PRMT7: variants seen among roughly 807,000 people sequenced by gnomAD.
The protein encoded by PRMT7 is protein arginine N-methyltransferase 7.
In PRMT7, 75 loss-of-function variants were observed where a neutral mutation model predicts 85.4. The observed-to-expected ratio is 0.88, with a 90% CI of 0.73 to 1.06. The LOEUF is 1.06. Ranked by LOEUF, PRMT7 falls within the 50% of genes least tolerant of loss-of-function variation. PRMT7 has a pLI of 0.00. For missense variants in PRMT7, 868 were observed against 915.2 expected (o/e 0.95, Z 0.67); for synonymous variants, 397 against 359.5 (o/e 1.10, Z -1.18).
intron 6 of PRMT7, among the ~76,000 whole-genome samples, chr16:68,331,131 A>G (rs1290437165): frequency 6.6e-6 from 1 of 152,134 alleles, no homozygotes; most frequent in African/African-American, 2.4e-5. Flanking sequence ...GGTCCTAGGC[A>G]CCCACTCATA....
In PRMT7 at chr16:68,357,550, T is replaced by C. The variant is rs761771436; in HGVS notation, c.*326T>C. ...GAAGGGAGTGGAAGCACAGGGAGCT[T>C]GTGGGGCTGGCCGGTGGGGTTGTCC... On this transcript the variant is annotated 3_prime_UTR_variant, in exon 19 of 19. Transcript: ENST00000441236. 6.8e-5 allele frequency: 18 copies of C among 264,334 alleles called. 1 individual carries two copies. Among genetic ancestry groups the C allele is most frequent in the Admixed American group, 1.0e-4 (2 of 19,968 alleles). 16.4% of individuals were successfully genotyped at this position (264,334 alleles called of 1,614,324 possible).
At chr16:68,329,274 A>G in intron 6 of PRMT7, 100 bp downstream of exon 6, 3 of 853,618 alleles carry the variant, frequency 3.5e-6, no homozygotes, top group Non-Finnish European at 3.8e-6. Context: ...GTCATAGCAT[A>G]GAAGTGGGAC....
chr16:68,325,026 C>T (rs1408649399), intron 5 of PRMT7, among the ~76,000 whole-genome samples, 194 bp downstream of exon 5: 1 of 152,272 alleles, frequency 6.6e-6, no homozygotes, highest in East Asian at 1.9e-4. Context: ...TCTCCTCTGT[C>T]AGCCTAGGCT....
intron 15 of PRMT7, 141 bp from the exon 16 acceptor site, chr16:68,353,351 C>G (rs1472162012): frequency 6.7e-7 from 1 of 1,484,670 alleles, no homozygotes; most frequent in African/African-American, 1.4e-5. Flanking sequence ...CGTTGTGGAT[C>G]TTTGTTCTCT....
intron 5 of PRMT7, among the ~76,000 whole-genome samples, chr16:68,325,128 C>T (rs2082952180): frequency 6.6e-6 from 1 of 152,012 alleles, no homozygotes. Flanking sequence ...GAGGGTGAGG[C>T]AAGACAATTG....
At position 68,357,186 on chromosome 16, in the gene PRMT7, A is replaced by G; in HGVS notation, c.2041A>G (p.Ile681Val). ...AVEFHPDTGD[I>V]IMEFRHADTP... is the part of the protein sequence containing the mutation. ...GGAGTTTCACCCCGACACAGGCGACATCATCATGGAGTTCAGGCATGCAGA... is the reference window on the plus strand; with the variant it reads ...GGAGTTTCACCCCGACACAGGCGACGTCATCATGGAGTTCAGGCATGCAGA... Residue 681 changes from isoleucine to valine, a missense_variant, in exon 19 of 19, where the codon ATC becomes GTC. Physicochemically the swap from Ile to Val is conservative, Grantham distance 29. Transcript: ENST00000441236. The G allele has an allele frequency of 2.5e-6, 4 of 1,613,938 alleles. No homozygotes were observed. The highest frequency in any genetic ancestry group is 3.4e-6 in the Non-Finnish European group (4 of 1,179,958).
intron 17 of PRMT7, among the ~76,000 whole-genome samples, 191 bp from the exon 18 acceptor site, chr16:68,356,510 G>A (rs925955167): frequency 7.9e-5 from 12 of 152,246 alleles, no homozygotes; most frequent in African/African-American, 1.2e-4. Flanking sequence ...GCTCAGGTGG[G>A]GGCTTGGCTG....
chr16:68,346,347 G>A, intron 11 of PRMT7, 67 bp downstream of exon 11: 2 of 1,599,372 alleles, frequency 1.3e-6, no homozygotes, highest in Non-Finnish European at 1.7e-6. Context: ...ATGAACCCCA[G>A]CACTTTGCTT....
At chr16:68,353,661 T>C (rs1462695008) in intron 16 of PRMT7, 95 bp downstream of exon 16, 8 of 1,220,602 alleles carry the variant, frequency 6.6e-6, no homozygotes, top group Non-Finnish European at 8.9e-6. Context: ...GGCTCTTCTG[T>C]TGGGGGCAGT....
At chr16:68,319,219 T>G (rs889840557) in intron 3 of PRMT7, among the ~76,000 whole-genome samples, 2 of 152,126 alleles carry the variant, frequency 1.3e-5, no homozygotes, top group Non-Finnish European at 2.9e-5. Flanking sequence ...GAACTGAAAC[T>G]GGGAGAGGTT....
At chr16:68,315,865 AT>A in intron 2 of PRMT7, 31 bp from the exon 3 acceptor site, 1 of 851,046 alleles carries the variant, frequency 1.2e-6, no homozygotes, top group Non-Finnish European at 2.0e-6. Flanking sequence ...TCGTTTGTTT[AT>A]ATACCTCCTG....
intron 6 of PRMT7, 97 bp from the exon 7 acceptor site, chr16:68,337,362 G>T (rs949613365): frequency 2.6e-6 from 2 of 761,344 alleles, no homozygotes; most frequent in Non-Finnish European, 4.4e-6. Context: ...TGCTTTTAGC[G>T]TGATGGCCCC....
At chr16:68,333,481 C>CAA (rs892258971) in intron 6 of PRMT7, among the ~76,000 whole-genome samples, 2 of 90,914 alleles carry the variant, frequency 2.2e-5, no homozygotes, top group Non-Finnish European at 2.3e-5. Context: ...AATTCTGGCT[C>CAA]AAAAAAAAAA....
At chr16:68,328,113 G>T in intron 5 of PRMT7, 1 of 319,048 alleles carries the variant, frequency 3.1e-6, no homozygotes, top group Admixed American at 2.9e-5. Flanking sequence ...AGGTAAGCTT[G>T]GAGGCTGAAG....
Position 68,347,306 on chromosome 16 carries a change from C to T in PRMT7, c.1275+12C>T. 1 of 1,526,666 alleles carries T rather than the reference C, an allele frequency of 6.6e-7. No individual in the cohort carries two copies. The highest frequency in any genetic ancestry group is 1.2e-5 in the South Asian group (1 of 82,540). The allele number at this position is 1,526,666 out of a possible 1,614,324, so 94.6% of individuals were successfully genotyped here. A position where few individuals can be genotyped will look rare whatever the true frequency, so the allele number is the denominator to read the frequency against. On this transcript the variant is annotated intron_variant, in intron 12 of 18. Transcript: ENST00000441236. ...TGGGGGTGGAGCAGGTACTGACATG[C>T]ACCCTTGTCAGCCTCCTGATGTGGG...
At chr16:68,347,525 G>T in intron 12 of PRMT7, 106 bp from the exon 13 acceptor site, 2 of 1,286,816 alleles carry the variant, frequency 1.6e-6, no homozygotes, top group Non-Finnish European at 2.2e-6. Context: ...AGGGAGGGTT[G>T]TTCAGGTGTG....
At chr16:68,352,695 C>T (rs910969206) in intron 15 of PRMT7, 4 of 273,940 alleles carry the variant, frequency 1.5e-5, no homozygotes, top group Middle Eastern at 1.1e-3. Context: ...GAAGCCATGC[C>T]GTGTGGCCTG....
rs763073507 is a variant in PRMT7 at position 68,357,356 on chromosome 16, GTGTTGCATCT to G, written c.*144_*153del. 5.9e-5 allele frequency: 58 copies of G among 987,962 alleles called. No homozygotes were observed. Among genetic ancestry groups the G allele is most frequent in the Non-Finnish European group, 7.7e-5 (52 of 679,682 alleles). 61.2% of individuals were successfully genotyped at this position (987,962 alleles called of 1,614,324 possible). Reference sequence around the variant, plus strand: ...CCTCAGGGATGGGAAAGACTGCGCCGTGTTGCATCTTGTTGCATCTTTGCACTGCTGGCCT... The same window carrying G: ...CCTCAGGGATGGGAAAGACTGCGCCGTGTTGCATCTTTGCACTGCTGGCCT... On this transcript the variant is annotated 3_prime_UTR_variant, in exon 19 of 19. Transcript: ENST00000441236.
At position 68,324,393 on chromosome 16, in the gene PRMT7, T is replaced by C. The variant is rs558411348; in HGVS notation, c.133-290T>C. 2.0e-4 allele frequency: 82 copies of C among 416,436 alleles called. 1 individual carries two copies. The highest frequency in any genetic ancestry group is 1.7e-3 in the South Asian group (71 of 41,224). The allele number at this position is 416,436 out of a possible 1,614,324, so 25.8% of individuals were successfully genotyped here. On this transcript the variant is annotated intron_variant, in intron 4 of 18. Coordinates refer to ENST00000441236, the MANE Select transcript of PRMT7 (RefSeq NM_019023.5). ...TTCCAGTCGCCCTCTTGGTCCCCCT[T>C]TTGGCTGTACCTAACAGTTGGAAAA... is the stretch of plus-strand genomic sequence containing the variant.
Sources: gnomAD v4.1 joint callset for allele counts (sites outside exome capture counted in the v4.1 genomes callset) on GRCh38, gnomAD v4.1.1 for gene constraint, MANE v1.5 for transcripts, NCBI Gene and HGNC (gene_info 2026-07-23, HGNC 2026-07-21) for gene names.